The following HDAC9 variants were observed in gnomAD, a reference collection of about 807,000 sequenced individuals.
The protein encoded by HDAC9 is MEF-2 interacting transcription repressor (MITR) protein.
In HDAC9, 41 loss-of-function variants were observed where a neutral mutation model predicts 139.4. The ratio of observed to expected loss-of-function variants is 0.29; its 90% confidence interval spans 0.23 to 0.38. The LOEUF (loss-of-function observed/expected upper bound fraction) is 0.38, where lower values mean the gene tolerates loss of function less well. HDAC9 is among the 10% of genes least tolerant of loss of function. HDAC9 has a pLI of 1.00. For missense variants in HDAC9, 1,147 were observed against 1,297.0 expected, an observed-to-expected ratio of 0.88 and a Z score of 1.78; for synonymous variants, 517 against 476.2, an observed-to-expected ratio of 1.09 and a Z score of -1.12.
chr7:18,557,355 T>A (rs955221666), intron 2 of HDAC9, among the ~76,000 whole-genome samples: 6 of 151,358 alleles, frequency 4.0e-5, no homozygotes, highest in East Asian at 1.9e-4. Flanking sequence ...TTTTTTTTTT[T>A]TATATCTAAC....
At chr7:18,836,220 GA>G in intron 21 of HDAC9, among the ~76,000 whole-genome samples, 1 of 152,088 alleles carries the variant, frequency 6.6e-6, no homozygotes, top group African/African-American at 2.4e-5. Flanking sequence ...AAATAAGGAG[GA>G]AAAAATATTT....
chr7:18,572,978 C>G (rs1454987806), intron 2 of HDAC9, among the ~76,000 whole-genome samples: 2 of 152,146 alleles, frequency 1.3e-5, no homozygotes, highest in African/African-American at 2.4e-5. Context: ...TTAAGTAAAT[C>G]AAAATAGTAA....
intron 12 of HDAC9, among the ~76,000 whole-genome samples, chr7:18,714,830 A>G (rs192630413): frequency 6.6e-6 from 1 of 152,326 alleles, no homozygotes; most frequent in East Asian, 1.9e-4. Flanking sequence ...GAGTGACTGG[A>G]TCTGTTGAGT....
intron 19 of HDAC9, among the ~76,000 whole-genome samples, chr7:18,833,781 A>G (rs1796028799): frequency 6.6e-6 from 1 of 152,178 alleles, no homozygotes; most frequent in Non-Finnish European, 1.5e-5. Context: ...AAAAAGGGAA[A>G]AGGATTATTG....
At chr7:18,139,542 A>T (rs1215227289) in intron 1 of HDAC9, among the ~76,000 whole-genome samples, 1 of 152,202 alleles carries the variant, frequency 6.6e-6, no homozygotes, top group Non-Finnish European at 1.5e-5. Flanking sequence ...GGGAAAAGTA[A>T]AGTGGCAAGT....
intron 25 of HDAC9, among the ~76,000 whole-genome samples, chr7:18,977,176 G>A (rs1251590251): frequency 6.6e-6 from 1 of 152,092 alleles, no homozygotes; most frequent in East Asian, 1.9e-4. Context: ...GAGCATAAGG[G>A]AAAACTTACT....
chr7:18,524,486 G>A (rs955770223), intron 2 of HDAC9, among the ~76,000 whole-genome samples: 8 of 152,064 alleles, frequency 5.3e-5, no homozygotes, highest in African/African-American at 1.4e-4. Flanking sequence ...GTTTGTCCAC[G>A]TAAAGACAAT....
At chr7:18,304,356 T>G (rs544532431) in intron 1 of HDAC9, among the ~76,000 whole-genome samples, 13 of 152,308 alleles carry the variant, frequency 8.5e-5, no homozygotes, top group Non-Finnish European at 1.3e-4. Flanking sequence ...TTTAAAAAGC[T>G]CAGACTACCA....
intron 22 of HDAC9, among the ~76,000 whole-genome samples, chr7:18,899,937 G>A (rs890444460): frequency 6.6e-5 from 10 of 152,032 alleles, no homozygotes; most frequent in African/African-American, 2.4e-4. Flanking sequence ...GAAATAAAGT[G>A]TTGTTTGAAA....
In HDAC9 at chr7:18,590,570, C is replaced by T. The variant is rs142247447; in HGVS notation, c.415+84C>T. ...TCAGAACAAAGCCTGATAAAGAGTG[C>T]GGTTAGACTCGTCAAAATTATCTGT... On this transcript the variant is annotated intron_variant, in intron 4 of 25. Coordinates refer to ENST00000686413, the MANE Select transcript of HDAC9 (RefSeq NM_178425.4). The T allele has an allele frequency of 3.1e-4, 412 of 1,315,466 alleles. 5 individuals carry two copies. The East Asian group carries it at 7.2e-3, about 23-fold the overall frequency. 81.5% of individuals were successfully genotyped at this position (1,315,466 alleles called of 1,614,324 possible).
intron 24 of HDAC9, among the ~76,000 whole-genome samples, chr7:18,963,997 TA>T (rs1416515721): frequency 2.0e-5 from 3 of 152,202 alleles, no homozygotes; most frequent in Admixed American, 1.3e-4. Flanking sequence ...CCTTCAACTT[TA>T]CCCATCTAAG....
intron 12 of HDAC9, among the ~76,000 whole-genome samples, chr7:18,712,333 C>G (rs912622937): frequency 6.6e-6 from 1 of 152,102 alleles, no homozygotes; most frequent in Middle Eastern, 3.2e-3. Context: ...ACTCCATGTT[C>G]TAGAGAAGGG....
At chr7:18,888,189 A>G (rs571362150) in intron 22 of HDAC9, among the ~76,000 whole-genome samples, 1 of 152,170 alleles carries the variant, frequency 6.6e-6, no homozygotes, top group Non-Finnish European at 1.5e-5. Context: ...TGGGAGGCCG[A>G]GGCAGGCGGA....
At chr7:18,881,910 G>T (rs1175870151) in intron 22 of HDAC9, among the ~76,000 whole-genome samples, 1 of 152,050 alleles carries the variant, frequency 6.6e-6, no homozygotes, top group South Asian at 2.1e-4. Flanking sequence ...TTCATGAAGG[G>T]TCAACCTTAA....
chr7:18,968,778 T>A (rs1330899739), intron 24 of HDAC9, among the ~76,000 whole-genome samples: 6 of 151,290 alleles, frequency 4.0e-5, no homozygotes, highest in Non-Finnish European at 8.8e-5. Flanking sequence ...GCTAACAGGG[T>A]GAAACCCCGT....
chr7:18,105,706 C>G (rs1314712777), intron 1 of HDAC9, among the ~76,000 whole-genome samples: 1 of 151,612 alleles, frequency 6.6e-6, no homozygotes, highest in African/African-American at 2.4e-5. Flanking sequence ...AAAAGCTAAC[C>G]AGAGAGTTAC....
chr7:18,184,451 C>G (rs2128143630), intron 2 of HDAC9, among the ~76,000 whole-genome samples: 1 of 152,222 alleles, frequency 6.6e-6, no homozygotes, highest in African/African-American at 2.4e-5. Flanking sequence ...AGACCCAAGT[C>G]TAAACATGAA....
rs1339083414 is a variant in HDAC9 at position 19,000,943 on chromosome 7, T to C, written c.*4881T>C. 3 of 152,206 alleles carry C rather than the reference T, an allele frequency of 2.0e-5. No individual in the cohort carries two copies. Among genetic ancestry groups the C allele is most frequent in the African/African-American group, 7.2e-5 (3 of 41,468 alleles). 9.4% of individuals were successfully genotyped at this position (152,206 alleles called of 1,614,324 possible). A position where few individuals can be genotyped will look rare whatever the true frequency, so the allele number is the denominator to read the frequency against. On this transcript the variant is annotated 3_prime_UTR_variant, in exon 26 of 26. Coordinates refer to ENST00000686413, the MANE Select transcript of HDAC9 (RefSeq NM_178425.4). ...TCTTTCATGCCATTTTATATAAACA[T>C]TTTGATAGATACTCTGTCTTTTGTT...
chr7:18,089,432 C>T (rs1042335266), intron 1 of HDAC9, among the ~76,000 whole-genome samples: 4 of 151,930 alleles, frequency 2.6e-5, no homozygotes, highest in Admixed American at 2.0e-4. Context: ...TAAGCATAAC[C>T]GTTATTATGG....
Sources: allele counts gnomAD v4.1 joint callset (sites outside exome capture counted in the v4.1 genomes callset), GRCh38; gene constraint gnomAD v4.1.1; transcripts MANE v1.5; gene names NCBI Gene and HGNC (gene_info 2026-07-23, HGNC 2026-07-21).